RAP1GDS1: variants seen among roughly 807,000 people sequenced by gnomAD.
RAP1GDS1 encodes RAP1, GTP-GDP dissociation stimulator 1.
Under a neutral mutation model 71.1 loss-of-function variants are expected in RAP1GDS1, and 35 were observed. That is an observed-to-expected ratio of 0.49 (90% CI 0.38 to 0.65). The LOEUF (loss-of-function observed/expected upper bound fraction) is 0.65. RAP1GDS1 is among the 30% of genes least tolerant of loss of function. The pLI is 0.00. For missense variants in RAP1GDS1, 663 were observed against 706.1 expected, an observed-to-expected ratio of 0.94 and a Z score of 0.69; for synonymous variants, 229 against 243.1, an observed-to-expected ratio of 0.94 and a Z score of 0.54.
chr4:98,409,659 T>C, intron 7 of RAP1GDS1: 1 of 323,470 alleles, frequency 3.1e-6, no homozygotes, highest in Non-Finnish European at 6.3e-6. Context: ...GTACCTGAGT[T>C]CAACTGAAGC....
chr4:98,436,914 G>T, intron 13 of RAP1GDS1, 26 bp from the exon 14 acceptor site: 1 of 1,578,772 alleles, frequency 6.3e-7, no homozygotes, highest in Non-Finnish European at 8.6e-7. Context: ...TTCGTACGCA[G>T]TAGATATACT....
At chr4:98,391,193 TG>T (rs1480439269) in intron 5 of RAP1GDS1, among the ~76,000 whole-genome samples, 3 of 152,108 alleles carry the variant, frequency 2.0e-5, no homozygotes, top group Non-Finnish European at 4.4e-5. Context: ...AGAACCCTTG[TG>T]GAAATCCAAG....
chr4:98,293,493 G>C lies in RAP1GDS1; in HGVS notation c.90G>C (p.Leu30=). The change falls in exon 2 of 15, where the codon CTG becomes CTC. Residue 30 remains leucine (L), a synonymous_variant. Coordinates refer to ENST00000408927, the MANE Select transcript of RAP1GDS1 (RefSeq NM_001100427.2). Reference sequence around the variant, plus strand: ...GTTTAGAAGGATGCTTGGATTGTCTGCTTCAAGCCCTGGCTCAAAATAGTA... The same window carrying C: ...GTTTAGAAGGATGCTTGGATTGTCTCCTTCAAGCCCTGGCTCAAAATAGTA... ...EDSLEGCLDC[L]LQALAQNNTE... The C allele has an allele frequency of 6.2e-7, 1 of 1,607,100 alleles. No homozygotes were observed. Among genetic ancestry groups the C allele is most frequent in the South Asian group, 1.1e-5 (1 of 89,350 alleles).
intron 2 of RAP1GDS1, among the ~76,000 whole-genome samples, chr4:98,341,319 G>A (rs1032928541): frequency 6.6e-6 from 1 of 152,116 alleles, no homozygotes; most frequent in African/African-American, 2.4e-5. Context: ...TTCCTGTTTA[G>A]TACAGCTATT....
intron 4 of RAP1GDS1, among the ~76,000 whole-genome samples, chr4:98,362,859 T>G (rs925564629): frequency 6.6e-6 from 1 of 152,218 alleles, no homozygotes; most frequent in African/African-American, 2.4e-5. Context: ...TATTCTTTGG[T>G]GTATACATAC....
intron 2 of RAP1GDS1, among the ~76,000 whole-genome samples, chr4:98,335,974 C>T (rs2110380312): frequency 6.6e-6 from 1 of 152,210 alleles, no homozygotes; most frequent in East Asian, 1.9e-4. Flanking sequence ...CTCCTATTGG[C>T]TCACAGTAAA....
At chr4:98,354,055 CTTTTT>C (rs895411941) in intron 4 of RAP1GDS1, among the ~76,000 whole-genome samples, 2 of 134,964 alleles carry the variant, frequency 1.5e-5, no homozygotes, top group Admixed American at 7.4e-5. Context: ...CAAAAGTATT[CTTTTT>C]TTTTTTTTTT....
intron 3 of RAP1GDS1, among the ~76,000 whole-genome samples, chr4:98,351,404 A>G (rs1737168743): frequency 6.6e-6 from 1 of 152,178 alleles, no homozygotes; most frequent in African/African-American, 2.4e-5. Flanking sequence ...AGAATAACCT[A>G]TATGGTATGC....
intron 2 of RAP1GDS1, among the ~76,000 whole-genome samples, chr4:98,296,327 A>G (rs2110286416): frequency 6.6e-6 from 1 of 152,250 alleles, no homozygotes; most frequent in Middle Eastern, 3.4e-3. Flanking sequence ...TGAATTGCAT[A>G]TTACAAATGA....
chr4:98,441,929 T>G, intron 14 of RAP1GDS1, 61 bp from the exon 15 acceptor site: 1 of 1,552,760 alleles, frequency 6.4e-7, no homozygotes, highest in Non-Finnish European at 8.8e-7. Context: ...TTTTGGTATA[T>G]GTTTTGGATA....
At chr4:98,262,497 T>TA in intron 1 of RAP1GDS1, among the ~76,000 whole-genome samples, 1 of 152,374 alleles carries the variant, frequency 6.6e-6, no homozygotes, top group Non-Finnish European at 1.5e-5. Flanking sequence ...GCTTAACTGT[T>TA]ACATTCAGTA....
intron 2 of RAP1GDS1, among the ~76,000 whole-genome samples, chr4:98,321,641 A>C (rs1300245081): frequency 0.012 from 1,830 of 149,738 alleles, 41 homozygotes; most frequent in African/African-American, 0.043. Context: ...AAGAATTTTC[A>C]ACCCAGAATT....
chr4:98,439,161 G>T (rs982307226), intron 14 of RAP1GDS1, among the ~76,000 whole-genome samples: 1 of 152,142 alleles, frequency 6.6e-6, no homozygotes, highest in Non-Finnish European at 1.5e-5. Context: ...TAATGAAAGG[G>T]AAATGACATT....
intron 1 of RAP1GDS1, among the ~76,000 whole-genome samples, chr4:98,279,657 C>T (rs34522003): frequency 2.2e-3 from 329 of 152,150 alleles, no homozygotes; most frequent in Admixed American, 3.6e-3. Context: ...ATGTGCACAA[C>T]GTACAGGTTT....
At position 98,367,984 on chromosome 4, in the gene RAP1GDS1, C is replaced by T. The variant is rs1394126624; in HGVS notation, c.362-11033C>T. Among the ~76,000 whole-genome samples, 28 of 152,148 alleles carry T rather than the reference C, an allele frequency of 1.8e-4. 1 individual carries two copies. Among genetic ancestry groups the T allele is most frequent in the Admixed American group, 1.8e-3 (28 of 15,280 alleles). The stretch of plus-strand genomic sequence containing the variant: ...CATGATTGGTTTTGAAATGTGAGGA[C>T]ATGAGATTTGGGAGGGGCCGGGGGT... On this transcript the variant is annotated intron_variant, in intron 4 of 14. Transcript: ENST00000408927.
At chr4:98,383,403 TATACATGTATG>T (rs1742294230) in intron 5 of RAP1GDS1, among the ~76,000 whole-genome samples, 1 of 151,574 alleles carries the variant, frequency 6.6e-6, no homozygotes, top group Non-Finnish European at 1.5e-5. Flanking sequence ...ATATTTTATA[TATACATGTATG>T]ATATGTGTAT....
intron 2 of RAP1GDS1, among the ~76,000 whole-genome samples, chr4:98,308,297 CTATATATATATA>C (rs779815305): frequency 0.046 from 3,345 of 73,212 alleles, 151 homozygotes; most frequent in African/African-American, 0.11. Context: ...CACACACACA[CTATATATATATA>C]TATATATATA....
At chr4:98,299,418 A>G (rs558165079) in intron 2 of RAP1GDS1, among the ~76,000 whole-genome samples, 13 of 152,312 alleles carry the variant, frequency 8.5e-5, no homozygotes, top group Admixed American at 1.3e-4. Flanking sequence ...ATTAACAGGA[A>G]TTTGGAACAA....
At chr4:98,284,881 A>T (rs1396160491) in intron 1 of RAP1GDS1, among the ~76,000 whole-genome samples, 1 of 152,140 alleles carries the variant, frequency 6.6e-6, no homozygotes, top group Admixed American at 6.6e-5. Flanking sequence ...CATGCCAGTC[A>T]CCAGCCATGT....
Sources: allele counts gnomAD v4.1 joint callset (sites outside exome capture counted in the v4.1 genomes callset), GRCh38; gene constraint gnomAD v4.1.1; transcripts MANE v1.5; gene names NCBI Gene and HGNC (gene_info 2026-07-23, HGNC 2026-07-21).